CENPK: variants seen among roughly 807,000 people sequenced by gnomAD.
CENPK encodes SoxLZ/Sox6-binding protein Solt.
CENPK carries 46 observed loss-of-function variants against 40.9 expected under a neutral mutation model. The ratio of observed to expected loss-of-function variants is 1.13; its 90% CI spans 0.89 to 1.44. CENPK has a LOEUF of 1.44. CENPK is among the 40% of genes most tolerant of loss of function. CENPK has a pLI of 0.00. For missense variants in CENPK, 288 were observed against 303.5 expected (o/e 0.95, Z 0.38); for synonymous variants, 107 against 104.4 (o/e 1.02, Z -0.15).
chr5:65,547,096 C>A (rs1301444511), intron 5 of CENPK, among the ~76,000 whole-genome samples: 1 of 151,962 alleles, frequency 6.6e-6, no homozygotes, highest in African/African-American at 2.4e-5. Flanking sequence ...AGAACTTGAA[C>A]ATTTTAATAT....
chr5:65,546,999 G>A (rs1749115961), intron 5 of CENPK, among the ~76,000 whole-genome samples: 1 of 152,094 alleles, frequency 6.6e-6, no homozygotes. Context: ...TGGAGAATAT[G>A]AACATATGGA....
intron 2 of CENPK, among the ~76,000 whole-genome samples, chr5:65,557,738 T>C (rs1042940231): frequency 2.0e-5 from 3 of 152,224 alleles, no homozygotes; most frequent in Non-Finnish European, 2.9e-5. Flanking sequence ...CTCATGAGCG[T>C]AATAAATAGT....
At chr5:65,551,815 T>C (rs181347641) in intron 4 of CENPK, among the ~76,000 whole-genome samples, 179 bp from the exon 5 acceptor site, 5 of 152,312 alleles carry the variant, frequency 3.3e-5, no homozygotes, top group Admixed American at 3.3e-4. Context: ...CACTGATCTA[T>C]TCCTACAGCA....
At chr5:65,537,572 T>C (rs1747160885) in intron 6 of CENPK, among the ~76,000 whole-genome samples, 1 of 152,124 alleles carries the variant, frequency 6.6e-6, no homozygotes, top group Non-Finnish European at 1.5e-5. Context: ...AGTGCTAGAA[T>C]TACAGGTGTG....
intron 1 of CENPK, among the ~76,000 whole-genome samples, chr5:65,562,205 A>G (rs1393211369): frequency 6.6e-6 from 1 of 152,146 alleles, no homozygotes; most frequent in Non-Finnish European, 1.5e-5. Context: ...TTGGTCTCTG[A>G]AAGATGAGAA....
At chr5:65,521,571 C>A (rs1743757710) in intron 9 of CENPK, 43 bp from the exon 10 acceptor site, 4 of 1,264,038 alleles carry the variant, frequency 3.2e-6, no homozygotes, top group Non-Finnish European at 4.6e-6. Flanking sequence ...CACTTCACTT[C>A]TGCCAATGGT....
chr5:65,563,140 G>A lies in CENPK; in HGVS notation c.-184C>T, dbSNP rs1752343711. ...CTCCAGGTCGCCTAGGCGCTGCGCAGGAAGCGCTTGCCAGCCCCGGACTTC... is the reference window on the plus strand; with the variant it reads ...CTCCAGGTCGCCTAGGCGCTGCGCAAGAAGCGCTTGCCAGCCCCGGACTTC... On this transcript the variant is annotated 5_prime_UTR_variant, in exon 1 of 11. Transcript: ENST00000396679. 1 of 818,568 alleles carries A rather than the reference G, an allele frequency of 1.2e-6. No homozygotes were observed. The highest frequency in any genetic ancestry group is 1.9e-6 in the Non-Finnish European group (1 of 537,754). The allele number at this position is 818,568 out of a possible 1,614,324, so 50.7% of individuals were successfully genotyped here.
the CENPK span, among the ~76,000 whole-genome samples, chr5:65,501,879 A>C: frequency 6.0e-3 from 913 of 152,292 alleles, 4 homozygotes; most frequent in African/African-American, 0.021. Context: ...AAGAGTAGGA[A>C]GCCTCCTTAC....
chr5:65,560,788 A>AT (rs890200798), intron 2 of CENPK, among the ~76,000 whole-genome samples: 2 of 152,216 alleles, frequency 1.3e-5, no homozygotes, highest in Admixed American at 1.3e-4. Flanking sequence ...TTGTATGATA[A>AT]TATCCATCAA....
At chr5:65,516,531 A>G (rs1742867726), downstream of CENPK, among the ~76,000 whole-genome samples, 1 of 152,240 alleles carries the variant, frequency 6.6e-6, no homozygotes, top group African/African-American at 2.4e-5. Flanking sequence ...ATGATGGAAG[A>G]GAATAATCAT....
intron 2 of CENPK, among the ~76,000 whole-genome samples, chr5:65,557,899 T>A (rs549692080): frequency 6.6e-6 from 1 of 152,338 alleles, no homozygotes; most frequent in African/African-American, 2.4e-5. Context: ...CAAGAAAGAA[T>A]GGAAGGCAAG....
intron 5 of CENPK, among the ~76,000 whole-genome samples, chr5:65,543,957 T>G (rs1029222603): frequency 6.6e-6 from 1 of 152,226 alleles, no homozygotes; most frequent in African/African-American, 2.4e-5. Flanking sequence ...TAATTTTGTA[T>G]AGCAAATTTT....
chr5:65,528,505 C>T lies in CENPK; in HGVS notation c.544G>A (p.Glu182Lys), dbSNP rs868259372. 13 of 1,606,066 alleles carry T rather than the reference C, an allele frequency of 8.1e-6. No individual in the cohort carries two copies. The Admixed American group carries it at 8.6e-5, about 11-fold the overall frequency. ...AGAGGAAAATGGTCTTCTAGAAACT[C>T]GCCCAAGGTACTCAAGAGTTTCTCC... Reference protein sequence around the residue: ...YKEKLLSTLGEFLEDHFPLPD... With the variant: ...YKEKLLSTLGKFLEDHFPLPD... Residue 182 changes from glutamate (E) to lysine (K), a missense_variant, in exon 9 of 11, where the codon GAG becomes AAG. Transcript: ENST00000396679.
chr5:65,536,035 G>A (rs1746834596), intron 6 of CENPK, among the ~76,000 whole-genome samples: 1 of 152,202 alleles, frequency 6.6e-6, no homozygotes, highest in South Asian at 2.1e-4. Context: ...ACCAGCTCCT[G>A]TAGAGCTGGC....
intron 2 of CENPK, among the ~76,000 whole-genome samples, chr5:65,559,748 C>A (rs1397526882): frequency 6.6e-6 from 1 of 151,942 alleles, no homozygotes; most frequent in African/African-American, 2.4e-5. Context: ...GTAGAACTGG[C>A]ACATAAATAG....
the CENPK span, among the ~76,000 whole-genome samples, chr5:65,506,498 A>T: frequency 2.6e-5 from 4 of 150,994 alleles, no homozygotes; most frequent in African/African-American, 9.7e-5. Context: ...AAAACACAAA[A>T]ATTGGTAGGG....
At chr5:65,556,642 A>T (rs1163389102) in intron 2 of CENPK, among the ~76,000 whole-genome samples, 1 of 152,220 alleles carries the variant, frequency 6.6e-6, no homozygotes, top group Non-Finnish European at 1.5e-5. Flanking sequence ...TTAAAAAAAT[A>T]AATTTAGTAT....
chr5:65,529,126 T>C lies in CENPK; in HGVS notation c.362A>G (p.Asp121Gly). The change falls in exon 7 of 11, where the codon GAC (aspartate) becomes GGC (glycine). Residue 121 changes from aspartate to glycine, a missense_variant. By Grantham distance (94) the Asp-to-Gly change is moderately conservative (BLOSUM62 -1). Coordinates refer to ENST00000396679, the MANE Select transcript of CENPK (RefSeq NM_022145.5). ...TGTAACATAAACAAACCTTTCTAAGTCTTCCTTTAACTTTTCATTCTTTGA... is the reference window on the plus strand; with the variant it reads ...TGTAACATAAACAAACCTTTCTAAGCCTTCCTTTAACTTTTCATTCTTTGA... The part of the protein sequence containing the change: ...KESKNEKLKE[D>G]LEREQRWLDE... 1 of 1,605,862 alleles carries C rather than the reference T, an allele frequency of 6.2e-7. No individual in the cohort carries two copies. The highest frequency in any genetic ancestry group is 8.5e-7 in the Non-Finnish European group (1 of 1,173,728).
chr5:65,513,422 C>T (rs1742650192), downstream of CENPK, among the ~76,000 whole-genome samples: 1 of 152,168 alleles, frequency 6.6e-6, no homozygotes, highest in African/African-American at 2.4e-5. Context: ...AGTCTTCCTA[C>T]CCATGAATAT....
Sources: gnomAD v4.1 joint callset for allele counts (sites outside exome capture counted in the v4.1 genomes callset) on GRCh38, gnomAD v4.1.1 for gene constraint, MANE v1.5 for transcripts, NCBI Gene and HGNC (gene_info 2026-07-23, HGNC 2026-07-21) for gene names.